TKTL1: variants seen among roughly 807,000 people sequenced by gnomAD.
TKTL1 encodes transketolase like 1, also known as transketolase-like protein 1.
A neutral mutation model predicts 39.3 loss-of-function variants in TKTL1; 1 was observed. The observed-to-expected ratio is 0.03, with a 90% confidence interval of 0.01 to 0.12. The LOEUF (loss-of-function observed/expected upper bound fraction) is 0.12, where lower values mean the gene tolerates loss of function less well. TKTL1 is among the 10% of genes least tolerant of loss of function. The pLI is 1.00. For missense variants in TKTL1, 575 were observed against 509.6 expected, an observed-to-expected ratio of 1.13 and a Z score of -1.24; for synonymous variants, 262 against 193.8, an observed-to-expected ratio of 1.35 and a Z score of -2.92.
rs369556534 is a variant in TKTL1, at chrX:154,305,297, C to G, written c.135-7C>G. On this transcript the variant is annotated splice_region_variant and splice_polypyrimidine_tract_variant and intron_variant, in intron 1 of 12. Coordinates refer to ENST00000369915, the MANE Select transcript of TKTL1 (RefSeq NM_012253.4). ...GAGAAATGACCAGTGTCATGTCTGT[C>G]TTTCAGCCACCCTACATCATGTAGC... is the stretch of plus-strand genomic sequence containing the variant. The G allele has an allele frequency of 3.3e-6, 4 of 1,203,936 alleles. No individual in the cohort carries two copies. The highest frequency in any genetic ancestry group is 4.6e-4 in the Middle Eastern group (2 of 4,323).
At chrX:154,310,754 C>T (rs965084828) in intron 3 of TKTL1, 82 bp from the exon 4 acceptor site, 26 of 881,802 alleles carry the variant, frequency 2.9e-5, no homozygotes, top group Middle Eastern at 3.1e-4. Flanking sequence ...CAGTTGCGTC[C>T]GTTTCTCCTC....
chrX:154,312,554 G>A, intron 5 of TKTL1, 26 bp from the exon 6 acceptor site: 1 of 1,189,061 alleles, frequency 8.4e-7, no homozygotes. Context: ...TTATGGAATG[G>A]ATGTCTTTTG....
intron 4 of TKTL1, 28 bp downstream of exon 4, chrX:154,311,055 C>G: frequency 8.3e-7 from 1 of 1,210,878 alleles, no homozygotes; most frequent in Non-Finnish European, 1.1e-6. Flanking sequence ...TGCTTGATTT[C>G]CATTCTGTCC....
Position 154,305,407 on chromosome X carries a change from T to C in TKTL1, c.238T>C (p.Phe80Leu), listed in dbSNP as rs1439557057. ...TCCAGAGAATCCGGACAACGACCGA[T>C]TTGTCCTCGCAAAGGTATGCCGGTG... is the stretch of plus-strand genomic sequence containing the variant. ...SDPENPDNDR[F>L]VLAKRLSFVD... The change falls in exon 2 of 13, where the codon TTT becomes CTT. Residue 80 changes from phenylalanine to leucine, a missense_variant. Transcript: ENST00000369915. 39 of 1,207,551 alleles carry C rather than the reference T, an allele frequency of 3.2e-5. No individual in the cohort carries two copies. Among genetic ancestry groups the C allele is most frequent in the Non-Finnish European group, 4.4e-5 (39 of 893,552 alleles).
chrX:154,327,252 A>G (rs953049004), intron 10 of TKTL1: 1 of 394,085 alleles, frequency 2.5e-6, no homozygotes, highest in Non-Finnish European at 5.0e-6. Context: ...GAGTTCAGGC[A>G]CACAAGATCT....
rs1190423083 is a variant in TKTL1 at position 154,330,309 on chromosome X, C to G, written c.*621C>G. 2 of 111,720 alleles carry G rather than the reference C, an allele frequency of 1.8e-5. No individual in the cohort carries two copies. The highest frequency in any genetic ancestry group is 9.5e-5 in the Admixed American group (1 of 10,493). 9.2% of individuals were successfully genotyped at this position (111,720 alleles called of 1,213,427 possible). A position where few individuals can be genotyped will look rare whatever the true frequency, so the allele number is the denominator to read the frequency against. On this transcript the variant is annotated 3_prime_UTR_variant, in exon 13 of 13. Transcript: ENST00000369915. ...GCTGCTTGTGATGAGAGCCTCCACACTGTACTGTTCAAGTCAATGTTAATA... is the reference window on the plus strand; with the variant it reads ...GCTGCTTGTGATGAGAGCCTCCACAGTGTACTGTTCAAGTCAATGTTAATA...
intron 2 of TKTL1, among the ~76,000 whole-genome samples, chrX:154,308,006 T>C (rs1377442642): frequency 9.0e-6 from 1 of 111,047 alleles, no homozygotes; most frequent in African/African-American, 3.3e-5. Flanking sequence ...GATCAGAGAA[T>C]CGTAAATACC....
intron 7 of TKTL1, chrX:154,320,236 T>A (rs2067437940): frequency 8.8e-6 from 1 of 113,766 alleles, no homozygotes; most frequent in Admixed American, 9.2e-5. Flanking sequence ...GGGAAGAGCG[T>A]GGAAAATGAG....
At chrX:154,303,999 A>G (rs1557166609) in intron 1 of TKTL1, among the ~76,000 whole-genome samples, 1 of 110,726 alleles carries the variant, frequency 9.0e-6, no homozygotes. Flanking sequence ...GCAGACACTG[A>G]TGCGTTGGGG....
intron 2 of TKTL1, among the ~76,000 whole-genome samples, chrX:154,306,349 G>T (rs1391643700): frequency 9.0e-6 from 1 of 111,508 alleles, no homozygotes; most frequent in Non-Finnish European, 1.9e-5. Context: ...TGTCCAAATA[G>T]AAATGCCAGA....
chrX:154,318,220 C>A (rs2067417478), intron 7 of TKTL1, among the ~76,000 whole-genome samples: 1 of 110,744 alleles, frequency 9.0e-6, no homozygotes, highest in Non-Finnish European at 1.9e-5. Flanking sequence ...CCATGCTTGG[C>A]CACATCTACA....
rs1190616823 is a variant in TKTL1 at position 154,306,392 on chromosome X, G to T, written c.252+971G>T. Among the ~76,000 whole-genome samples the T allele has an allele frequency of 3.6e-5, 4 of 111,634 alleles. No individual in the cohort carries two copies. In the East Asian group the frequency reaches 1.1e-3, roughly 31 times the overall value. On this transcript the variant is annotated intron_variant, in intron 2 of 12. Coordinates refer to ENST00000369915, the MANE Select transcript of TKTL1 (RefSeq NM_012253.4). ...AGTGGGAAGTGAAGACAAAAACTGG[G>T]CATAGCTGAAGTAAGTGCCTAAAGG...
At chrX:154,327,564 C>T (rs1557172224) in intron 10 of TKTL1, 27 bp from the exon 11 acceptor site, 1 of 1,169,841 alleles carries the variant, frequency 8.5e-7, no homozygotes, top group Non-Finnish European at 1.2e-6. Flanking sequence ...GTAACCACGG[C>T]ATTCTGTTTT....
intron 7 of TKTL1, among the ~76,000 whole-genome samples, chrX:154,316,322 G>A (rs370443109): frequency 5.4e-4 from 60 of 110,895 alleles, no homozygotes; most frequent in African/African-American, 1.9e-3. Context: ...CGTCCGCCTC[G>A]GCCTCCCAAA....
chrX:154,297,174 A>G (rs2067236561), intron 1 of TKTL1, among the ~76,000 whole-genome samples: 2 of 112,008 alleles, frequency 1.8e-5, no homozygotes, highest in African/African-American at 3.2e-5. Flanking sequence ...TGGAACAAAA[A>G]TGAGCTGTTG....
At chrX:154,303,974 T>C (rs1285441045) in intron 1 of TKTL1, among the ~76,000 whole-genome samples, 1 of 110,430 alleles carries the variant, frequency 9.1e-6, no homozygotes, top group Non-Finnish European at 1.9e-5. Flanking sequence ...ATCGTCTTTT[T>C]GGAGCCTCAA....
intron 8 of TKTL1, 45 bp downstream of exon 8, chrX:154,320,958 CAG>C: frequency 8.6e-7 from 1 of 1,168,578 alleles, no homozygotes; most frequent in Non-Finnish European, 1.2e-6. Context: ...TCCTCCTTCA[CAG>C]AGAAAGATTA....
intron 7 of TKTL1, among the ~76,000 whole-genome samples, chrX:154,317,253 T>C (rs1481428212): frequency 8.9e-6 from 1 of 111,787 alleles, no homozygotes; most frequent in Non-Finnish European, 1.9e-5. Flanking sequence ...GGCGAGCAGG[T>C]GGTATTTAGT....
chrX:154,320,033 G>GCC (rs1332071828), intron 7 of TKTL1, among the ~76,000 whole-genome samples: 1 of 112,525 alleles, frequency 8.9e-6, no homozygotes, highest in Admixed American at 9.4e-5. Flanking sequence ...GGTGCACAGG[G>GCC]CCCTGAGGAC....
Sources: allele counts gnomAD v4.1 joint callset (sites outside exome capture counted in the v4.1 genomes callset), GRCh38; gene constraint gnomAD v4.1.1; transcripts MANE v1.5; gene names NCBI Gene and HGNC (gene_info 2026-07-23, HGNC 2026-07-21).